SLC23A2: variants seen among roughly 807,000 people sequenced by gnomAD.
SLC23A2 encodes Na(+)/L-ascorbic acid transporter 2.
Under a neutral mutation model 73.3 loss-of-function variants are expected in SLC23A2, and 36 were observed. The observed-to-expected ratio is 0.49, with a 90% CI of 0.38 to 0.65. The LOEUF (loss-of-function observed/expected upper bound fraction) is 0.65. Among genes scored for constraint, SLC23A2 ranks in the 30% least tolerant of loss-of-function variants. The pLI, the probability that SLC23A2 is intolerant of heterozygous loss-of-function variation, is 0.00. For synonymous variants in SLC23A2, 343 were observed against 327.3 expected (o/e 1.05, Z -0.52); for missense variants, 507 against 841.6 (o/e 0.60, Z 4.92).
At chr20:4,898,590 TG>T (rs781027420) in intron 6 of SLC23A2, among the ~76,000 whole-genome samples, 2 of 152,104 alleles carry the variant, frequency 1.3e-5, no homozygotes, top group Non-Finnish European at 2.9e-5. Context: ...AGCAGTGCCC[TG>T]GGGTAAAGCA....
At position 4,872,706 on chromosome 20, in the gene SLC23A2, T is replaced by C. The variant is rs533144958; in HGVS notation, c.1102+1230A>G. 2.6e-5 allele frequency among the ~76,000 whole-genome samples: 4 copies of C among 152,328 alleles called. No individual in the cohort carries two copies. The East Asian group carries it at 7.7e-4, about 29-fold the overall frequency. ...CTTTCTTGGAAAAAGAATAGGTCTG[T>C]ATAAATGCACACTTAGACCATACAA... is the stretch of plus-strand genomic sequence containing the variant. On this transcript the variant is annotated intron_variant, in intron 11 of 16. Coordinates refer to ENST00000338244, the MANE Select transcript of SLC23A2 (RefSeq NM_005116.6). This position sits in a 1 kb window ranked among gnomAD's most constrained non-coding sequence, Gnocchi z 4.4.
At position 4,985,022 on chromosome 20, in the gene SLC23A2, G is replaced by A. The variant is rs151237990; in HGVS notation, c.-281-14103C>T. 1.8e-3 allele frequency among the ~76,000 whole-genome samples: 276 copies of A among 151,694 alleles called. 4 individuals are homozygous for A. The East Asian group carries it at 0.047, about 26-fold the overall frequency. ...CGTGGTGGCACGTGCCTGTAGTTCC[G>A]GCTACTTGGGAGGCTGAGGCAGGAG... On this transcript the variant is annotated intron_variant, in intron 1 of 16. Coordinates refer to ENST00000338244, the MANE Select transcript of SLC23A2 (RefSeq NM_005116.6).
At position 4,902,524 on chromosome 20, in the gene SLC23A2, C is replaced by T; in HGVS notation, c.242G>A (p.Ser81Asn). Residue 81 changes from serine to asparagine, a missense_variant, in exon 5 of 17, where the codon AGT becomes AAT. Coordinates refer to ENST00000338244, the MANE Select transcript of SLC23A2 (RefSeq NM_005116.6). The surrounding 1 kb of genome is among the most constrained non-coding windows in gnomAD (Gnocchi z 4.0). ...CATGTCTGATCGCTGGGGGTCCAGACTGCCAGTGCTATCCAGGGTCTCAGC... is the reference window on the plus strand; with the variant it reads ...CATGTCTGATCGCTGGGGGTCCAGATTGCCAGTGCTATCCAGGGTCTCAGC... The part of the protein sequence containing the change: ...SLAETLDSTG[S>N]LDPQRSDMIY... 1 of 1,612,598 alleles carries T rather than the reference C, an allele frequency of 6.2e-7. No individual in the cohort carries two copies. Among genetic ancestry groups the T allele is most frequent in the Non-Finnish European group, 8.5e-7 (1 of 1,179,018 alleles).
chr20:4,945,315 T>C (rs987020396), intron 2 of SLC23A2, among the ~76,000 whole-genome samples: 5 of 152,186 alleles, frequency 3.3e-5, no homozygotes, highest in Admixed American at 3.3e-4. Flanking sequence ...TTTGTTTGTT[T>C]GTTTGTCTTT....
At chr20:4,972,805 T>C (rs2122228637) in intron 1 of SLC23A2, among the ~76,000 whole-genome samples, 1 of 151,592 alleles carries the variant, frequency 6.6e-6, no homozygotes, top group African/African-American at 2.4e-5. Flanking sequence ...CAGGCTGGTC[T>C]TGAACTCGAC....
At chr20:4,918,311 A>T (rs1428142336) in intron 3 of SLC23A2, among the ~76,000 whole-genome samples, 1 of 152,142 alleles carries the variant, frequency 6.6e-6, no homozygotes, top group Non-Finnish European at 1.5e-5. Context: ...AACTATCTTA[A>T]ACTAAACTCG....
At position 4,901,916 on chromosome 20, in the gene SLC23A2, C is replaced by G. The variant is rs74944415; in HGVS notation, c.324+526G>C. On this transcript the variant is annotated intron_variant, in intron 5 of 16. Coordinates refer to ENST00000338244, the MANE Select transcript of SLC23A2 (RefSeq NM_005116.6). Reference sequence around the variant, plus strand: ...ATTTCCTTTCCCTTCCTTTATGTCACTGCTCTTGCTTGTGCCCTGAACATC... The same window carrying G: ...ATTTCCTTTCCCTTCCTTTATGTCAGTGCTCTTGCTTGTGCCCTGAACATC... Among the ~76,000 whole-genome samples, 46 of 152,290 alleles carry G rather than the reference C, an allele frequency of 3.0e-4. No homozygotes were observed. In the East Asian group the frequency reaches 8.5e-3, roughly 28 times the overall value.
chr20:4,931,585 C>G (rs1026962190), intron 3 of SLC23A2, among the ~76,000 whole-genome samples: 10 of 151,968 alleles, frequency 6.6e-5, no homozygotes, highest in African/African-American at 2.4e-4. Flanking sequence ...AGTGAGACCC[C>G]ATCTCTACAA....
intron 9 of SLC23A2, 109 bp from the exon 10 acceptor site, chr20:4,874,805 T>C (rs1930591630): frequency 2.3e-6 from 2 of 874,726 alleles, no homozygotes; most frequent in East Asian, 2.6e-5. Context: ...TTCATTTACC[T>C]AGAAAGCTGC....
chr20:4,991,402 T>C (rs1249948499), intron 1 of SLC23A2, among the ~76,000 whole-genome samples: 1 of 152,066 alleles, frequency 6.6e-6, no homozygotes, highest in Non-Finnish European at 1.5e-5. Flanking sequence ...AAATCACATG[T>C]CCAGTCCAGC....
At chr20:4,933,184 GC>G (rs1178014207) in intron 2 of SLC23A2, among the ~76,000 whole-genome samples, 1 of 152,032 alleles carries the variant, frequency 6.6e-6, no homozygotes, top group Admixed American at 6.5e-5. Flanking sequence ...GATACTTGTA[GC>G]TTGTGGCTAC....
intron 2 of SLC23A2, among the ~76,000 whole-genome samples, chr20:4,954,567 G>A (rs1204066260): frequency 1.3e-5 from 2 of 151,808 alleles, no homozygotes; most frequent in South Asian, 2.1e-4. Flanking sequence ...GCGTGGTGGC[G>A]GGCGCCTGTA....
intron 15 of SLC23A2, among the ~76,000 whole-genome samples, chr20:4,861,023 C>T (rs775655773): frequency 5.3e-5 from 8 of 152,076 alleles, no homozygotes; most frequent in Admixed American, 3.9e-4. Context: ...CCAGCCTGAG[C>T]GACAAAGCAA....
rs1228331693 is a variant in SLC23A2, at chr20:4,902,933, A to G, written c.208-375T>C. ...CCTTGCGTGAGACCCCAGATGAAAA[A>G]AATCTTAGAAAATTTTAACCACTTT... On this transcript the variant is annotated intron_variant, in intron 4 of 16. Coordinates refer to ENST00000338244, the MANE Select transcript of SLC23A2 (RefSeq NM_005116.6). This position sits in a 1 kb window ranked among gnomAD's most constrained non-coding sequence, Gnocchi z 4.0. Among the ~76,000 whole-genome samples, 1 of 152,072 alleles carries G rather than the reference A, an allele frequency of 6.6e-6. No homozygotes were observed. Among genetic ancestry groups the G allele is most frequent in the African/African-American group, 2.4e-5 (1 of 41,384 alleles).
At chr20:4,869,853 C>A in intron 12 of SLC23A2, 53 bp downstream of exon 12, 1 of 1,521,450 alleles carries the variant, frequency 6.6e-7, no homozygotes, top group Non-Finnish European at 8.9e-7. Flanking sequence ...AACCTAAGAA[C>A]AAAGTAACAA....
intron 15 of SLC23A2, among the ~76,000 whole-genome samples, chr20:4,860,188 C>T (rs1331514510): frequency 1.3e-5 from 2 of 152,200 alleles, no homozygotes; most frequent in Non-Finnish European, 2.9e-5. Context: ...TCATGAATTA[C>T]GTGTTTGTGA....
chr20:4,931,583 C>A (rs570741106), intron 3 of SLC23A2, among the ~76,000 whole-genome samples: 2 of 151,898 alleles, frequency 1.3e-5, no homozygotes, highest in Non-Finnish European at 2.9e-5. Context: ...ACAGTGAGAC[C>A]CCATCTCTAC....
chr20:4,882,048 T>A (rs6116567), intron 9 of SLC23A2, among the ~76,000 whole-genome samples: 6,266 of 152,232 alleles, frequency 0.041, 429 homozygotes, highest in African/African-American at 0.14. Context: ...GTGTGAAGAA[T>A]GTTTTGACCA....
chr20:4,957,522 G>A (rs1230765513), intron 2 of SLC23A2, among the ~76,000 whole-genome samples: 2 of 150,740 alleles, frequency 1.3e-5, no homozygotes, highest in Non-Finnish European at 3.0e-5. Context: ...GATAGATTAT[G>A]TGAGGAAAAA....
Sources: allele counts gnomAD v4.1 joint callset (sites outside exome capture counted in the v4.1 genomes callset), GRCh38; gene constraint gnomAD v4.1.1; non-coding constraint Gnocchi (gnomAD v3.1); transcripts MANE v1.5; gene names NCBI Gene and HGNC (gene_info 2026-07-23, HGNC 2026-07-21).